NRG2: variants seen among roughly 807,000 people sequenced by gnomAD.
NRG2 encodes neuregulin 2.
Under a neutral mutation model 73.9 loss-of-function variants are expected in NRG2, and 27 were observed. The observed-to-expected ratio is 0.37, with a 90% CI of 0.27 to 0.50. The LOEUF (loss-of-function observed/expected upper bound fraction) is 0.50, where lower values mean the gene tolerates loss of function less well. Among genes scored for constraint, NRG2 ranks in the 20% least tolerant of loss-of-function variants. The probability of loss-of-function intolerance (pLI) is 0.96; values close to 1 mark genes in which losing one functional copy is unlikely to be tolerated. For synonymous variants in NRG2, 532 were observed against 541.0 expected (o/e 0.98, Z 0.23); for missense variants, 1,126 against 1,210.1 (o/e 0.93, Z 1.03).
chr5:139,989,927 T>C (rs1757461888), intron 1 of NRG2, among the ~76,000 whole-genome samples: 1 of 151,352 alleles, frequency 6.6e-6, no homozygotes, highest in Admixed American at 6.6e-5. Flanking sequence ...TAGCTGGGAC[T>C]ACAGGTGCCC....
intron 1 of NRG2, among the ~76,000 whole-genome samples, chr5:140,018,024 C>A (rs759902905): frequency 2.0e-5 from 3 of 151,918 alleles, no homozygotes; most frequent in Non-Finnish European, 4.4e-5. Context: ...GCATTCATCC[C>A]TCCAAACATG....
chr5:139,927,764 C>CAAAA (rs67854211), intron 1 of NRG2, among the ~76,000 whole-genome samples: 1 of 82,538 alleles, frequency 1.2e-5, no homozygotes, highest in Non-Finnish European at 2.5e-5. Flanking sequence ...AACCTTGTCT[C>CAAAA]AAAAAAAAAA....
chr5:139,860,764 C>A (rs1227422792), intron 5 of NRG2, among the ~76,000 whole-genome samples: 1 of 152,110 alleles, frequency 6.6e-6, no homozygotes, highest in Non-Finnish European at 1.5e-5. Context: ...GTGACGGAGA[C>A]CCCCACATCA....
intron 1 of NRG2, among the ~76,000 whole-genome samples, chr5:139,891,351 G>C (rs948577945): frequency 6.6e-6 from 1 of 152,128 alleles, no homozygotes; most frequent in Non-Finnish European, 1.5e-5. Flanking sequence ...AGTAATCGCC[G>C]GCCACCAATG....
chr5:139,965,679 C>T (rs1755451485), intron 1 of NRG2, among the ~76,000 whole-genome samples: 1 of 152,360 alleles, frequency 6.6e-6, no homozygotes, highest in Non-Finnish European at 1.5e-5. Flanking sequence ...CAGGGCTATA[C>T]TTTCTGCCAA....
At chr5:139,914,557 A>G (rs1055875280) in intron 1 of NRG2, among the ~76,000 whole-genome samples, 1 of 152,168 alleles carries the variant, frequency 6.6e-6, no homozygotes, top group Admixed American at 6.5e-5. Context: ...CAAATTCCCC[A>G]GGACACTCCC....
At chr5:139,983,496 A>C (rs973900482) in intron 1 of NRG2, among the ~76,000 whole-genome samples, 2 of 152,106 alleles carry the variant, frequency 1.3e-5, no homozygotes, top group Non-Finnish European at 1.5e-5. Context: ...TCTTGGCCTT[A>C]TTTCTCTTTC....
chr5:139,955,137 G>A (rs1472433715), intron 1 of NRG2, among the ~76,000 whole-genome samples: 1 of 152,228 alleles, frequency 6.6e-6, no homozygotes, highest in East Asian at 1.9e-4. Flanking sequence ...TTACAGTCTT[G>A]AGAAAGTCAA....
At chr5:139,921,824 G>C (rs1364997337) in intron 1 of NRG2, among the ~76,000 whole-genome samples, 2 of 152,148 alleles carry the variant, frequency 1.3e-5, no homozygotes, top group Non-Finnish European at 2.9e-5. Flanking sequence ...CACTTTGACA[G>C]GTCAAGGTCG....
chr5:140,023,442 C>T (rs1760399385), intron 1 of NRG2, among the ~76,000 whole-genome samples: 2 of 152,136 alleles, frequency 1.3e-5, no homozygotes, highest in South Asian at 4.2e-4. Context: ...AGAAAATGTC[C>T]AGCCCTAATT....
chr5:140,016,741 C>T (rs891463343), intron 1 of NRG2, among the ~76,000 whole-genome samples: 48 of 152,168 alleles, frequency 3.2e-4, no homozygotes, highest in African/African-American at 9.4e-4. Flanking sequence ...GAGCTGAGCT[C>T]GGAAGGGCAG....
intron 1 of NRG2, among the ~76,000 whole-genome samples, chr5:139,990,067 C>A (rs987870803): frequency 6.6e-6 from 1 of 151,754 alleles, no homozygotes; most frequent in African/African-American, 2.4e-5. Context: ...GGATTACAGG[C>A]GTGAGCCACT....
chr5:139,867,790 G>A (rs1380803016), intron 4 of NRG2, among the ~76,000 whole-genome samples: 2,602 of 133,644 alleles, frequency 0.019, 31 homozygotes, highest in Middle Eastern at 0.062. Context: ...GTGTGTGTGT[G>A]TGTGTGTATG....
At chr5:140,013,656 C>G (rs1759543963) in intron 1 of NRG2, among the ~76,000 whole-genome samples, 1 of 152,218 alleles carries the variant, frequency 6.6e-6, no homozygotes, top group South Asian at 2.1e-4. Context: ...AATTCCTTCT[C>G]TTCTCTTCCA....
intron 1 of NRG2, among the ~76,000 whole-genome samples, chr5:139,944,304 A>G (rs1326276016): frequency 1.3e-5 from 2 of 152,142 alleles, no homozygotes; most frequent in Admixed American, 1.3e-4. Context: ...ACTATATATT[A>G]TTATTAACTA....
Position 139,899,012 on chromosome 5 carries a change from C to T in NRG2, c.701-11501G>A, listed in dbSNP as rs77125989. ...TCAGATTCCTCTGGTTAGAGTTAGT[C>T]TCTTCTATCTGTTCTGGGCCATCTC... On this transcript the variant is annotated intron_variant, in intron 1 of 9. Coordinates refer to ENST00000361474, the MANE Select transcript of NRG2 (RefSeq NM_004883.3). Among the ~76,000 whole-genome samples the T allele has an allele frequency of 4.5e-3, 684 of 152,336 alleles. 5 individuals are homozygous for T. Among genetic ancestry groups the T allele is most frequent in the African/African-American group, 0.015 (628 of 41,564 alleles).
At chr5:139,953,641 A>T (rs779333006) in intron 1 of NRG2, among the ~76,000 whole-genome samples, 1 of 152,204 alleles carries the variant, frequency 6.6e-6, no homozygotes, top group Non-Finnish European at 1.5e-5. Context: ...TGGTCACAAC[A>T]GGCTTCCTGG....
chr5:139,847,906 G>A lies in NRG2; in HGVS notation c.*11C>T, dbSNP rs1230025471. The A allele has an allele frequency of 4.9e-6, 7 of 1,421,810 alleles. No individual in the cohort carries two copies. Among genetic ancestry groups the A allele is most frequent in the Admixed American group, 3.1e-5 (1 of 32,056 alleles). 88.1% of individuals were successfully genotyped at this position (1,421,810 alleles called of 1,614,324 possible). A position where few individuals can be genotyped will look rare whatever the true frequency, so the allele number is the denominator to read the frequency against. ...TGGGGCGGGCGGGGCGGAGGGGCGC[G>A]CGGCGGGGCCCTAGAGTGGCGCCGA... On this transcript the variant is annotated 3_prime_UTR_variant, in exon 10 of 10. Transcript: ENST00000361474.
chr5:139,889,871 C>T (rs1212454537), intron 1 of NRG2, among the ~76,000 whole-genome samples: 1 of 152,158 alleles, frequency 6.6e-6, no homozygotes, highest in Non-Finnish European at 1.5e-5. Context: ...ATAGCTCTTA[C>T]CTCTTGGGAT....
Sources: gnomAD v4.1 joint callset for allele counts (sites outside exome capture counted in the v4.1 genomes callset) on GRCh38, gnomAD v4.1.1 for gene constraint, MANE v1.5 for transcripts, NCBI Gene and HGNC (gene_info 2026-07-23, HGNC 2026-07-21) for gene names.